The following MISP variants were observed in gnomAD, a reference collection of about 807,000 sequenced individuals.
MISP encodes the protein mitotic interactor and substrate of PLK1.
In MISP, 51 loss-of-function variants were observed where a neutral mutation model predicts 49.3. The ratio of observed to expected loss-of-function variants is 1.03; its 90% confidence interval spans 0.83 to 1.31. The LOEUF (loss-of-function observed/expected upper bound fraction) is 1.31, where lower values mean the gene tolerates loss of function less well. Ranked by LOEUF, MISP falls within the 50% of genes most tolerant of loss-of-function variation. The pLI is 0.00. For synonymous variants in MISP, 444 were observed against 392.6 expected (o/e 1.13, Z -1.55); for missense variants, 1,084 against 935.1 (o/e 1.16, Z -2.08).
intron 2 of MISP, 89 bp downstream of exon 2, chr19:758,815 C>T (rs2144963990): frequency 8.8e-6 from 10 of 1,134,530 alleles, no homozygotes; most frequent in East Asian, 2.5e-5. Flanking sequence ...TTGAGGCTGT[C>T]AAAGGGCTGG....
At chr19:750,783 CTG>C (rs1325173557), upstream of MISP, among the ~76,000 whole-genome samples, 3 of 152,294 alleles carry the variant, frequency 2.0e-5, no homozygotes, top group East Asian at 5.8e-4. Context: ...ACACAGGCCA[CTG>C]TGCACGCTGA....
At chr19:750,429 G>A (rs35837306), upstream of MISP, among the ~76,000 whole-genome samples, 51,015 of 151,662 alleles carry the variant, frequency 0.34, 9,133 homozygotes, top group Middle Eastern at 0.43. Flanking sequence ...CGAACTCCTG[G>A]CCTCAAGTGA....
At chr19:756,232 G>A (rs531358362) in intron 1 of MISP, among the ~76,000 whole-genome samples, 2 of 152,304 alleles carry the variant, frequency 1.3e-5, no homozygotes, top group South Asian at 2.1e-4. Flanking sequence ...AAGACCAGCG[G>A]GAAGAGGGTC....
rs1006673863 is a variant in MISP, at chr19:760,042, G to A, written c.1911+3G>A. 1.9e-6 allele frequency: 3 copies of A among 1,613,638 alleles called. No homozygotes were observed. The highest frequency in any genetic ancestry group is 1.7e-6 in the Non-Finnish European group (2 of 1,179,724). ...GGCAGAGAAAGAAGGAGCAATGGGT[G>A]AGTCTGGAACCCGTCTCTGCAGAGG... On this transcript the variant is annotated splice_donor_region_variant and intron_variant, in intron 3 of 4. Coordinates refer to ENST00000215582, the MANE Select transcript of MISP (RefSeq NM_173481.4).
Position 757,320 on chromosome 19 carries a change from G to A in MISP, c.374G>A (p.Arg125His), listed in dbSNP as rs151208927. The change falls in exon 2 of 5, where the codon CGC becomes CAC. Residue 125 changes from arginine to histidine, a missense_variant. Arg to His is a conservative substitution (Grantham distance 29). Transcript: ENST00000215582. ...GAGGACAAGGAGATGAAGACCTACC[G>A]CCTGGATGCTGGGGACGCTGACCCC... ...DGEDKEMKTY[R>H]LDAGDADPRR... 7.7e-4 allele frequency: 1,244 copies of A among 1,614,008 alleles called. 5 individuals carry two copies. In the African/African-American group the frequency reaches 9.4e-3, roughly 12 times the overall value.
At position 758,013 on chromosome 19, in the gene MISP, T is replaced by C. The variant is rs767450470; in HGVS notation, c.1067T>C (p.Val356Ala). 4 of 1,572,214 alleles carry C rather than the reference T, an allele frequency of 2.5e-6. No individual in the cohort carries two copies. Among genetic ancestry groups the C allele is most frequent in the Admixed American group, 3.5e-5 (2 of 56,912 alleles). The change falls in exon 2 of 5, where the codon GTA becomes GCA. Residue 356 changes from valine to alanine, a missense_variant. By Grantham distance (64) the Val-to-Ala change is moderately conservative (BLOSUM62 0). Transcript: ENST00000215582. Reference sequence around the variant, plus strand: ...TCCCTCTACGTGCAGCGGGACATAGTACAGGAGACACAGCGTGAGGAAGAC... The same window carrying C: ...TCCCTCTACGTGCAGCGGGACATAGCACAGGAGACACAGCGTGAGGAAGAC... Reference protein sequence around the residue: ...RPSLYVQRDIVQETQREEDHR... With the variant: ...RPSLYVQRDIAQETQREEDHR...
intron 1 of MISP, among the ~76,000 whole-genome samples, chr19:751,955 A>G (rs1431827614): frequency 6.6e-6 from 1 of 152,142 alleles, no homozygotes; most frequent in East Asian, 1.9e-4. Context: ...GAGGTGTGGC[A>G]CCAGGGTCCA....
Position 757,018 on chromosome 19 carries a change from T to C in MISP, c.72T>C (p.Asp24=). ...ACCGTGGCACCGGCCTGGTGCTGGA[T>C]GGAGACACCAGCTACACATACCATC... is the stretch of plus-strand genomic sequence containing the variant. ...QAHRGTGLVL[D]GDTSYTYHLV... Residue 24 remains aspartate, a synonymous_variant, in exon 2 of 5, where the codon GAT becomes GAC. Transcript: ENST00000215582. 6.2e-7 allele frequency: 1 copy of C among 1,605,618 alleles called. No homozygotes were observed. The highest frequency in any genetic ancestry group is 8.5e-7 in the Non-Finnish European group (1 of 1,176,050).
chr19:760,314 C>G, intron 3 of MISP: 1 of 315,840 alleles, frequency 3.2e-6, no homozygotes, highest in Non-Finnish European at 5.8e-6. Flanking sequence ...ACCAACTCTG[C>G]TTGGAGGAGG....
chr19:758,629 G>C lies in MISP; in HGVS notation c.1683G>C (p.Val561=), dbSNP rs756008075. 2 of 1,614,262 alleles carry C rather than the reference G, an allele frequency of 1.2e-6. No homozygotes were observed. Among genetic ancestry groups the C allele is most frequent in the South Asian group, 2.2e-5 (2 of 91,086 alleles). The change falls in exon 2 of 5, where the codon GTG becomes GTC. Residue 561 remains valine (V), a synonymous_variant. Coordinates refer to ENST00000215582, the MANE Select transcript of MISP (RefSeq NM_173481.4). ...RESVLRREQE[V]AEERRNALFP... ...GTGTCCTGCGCCGGGAGCAAGAGGT[G>C]GCAGAGGAGCGGAGAAATGCTCTCT...
intron 1 of MISP, among the ~76,000 whole-genome samples, chr19:755,435 A>T (rs773434224): frequency 1.7e-4 from 26 of 152,016 alleles, no homozygotes; most frequent in Non-Finnish European, 3.5e-4. Context: ...GAGAACCAGG[A>T]TGTGGGAGCC....
In MISP at chr19:763,549, C is replaced by G. The variant is rs556723978; in HGVS notation, c.1999C>G (p.Arg667Gly). The change falls in exon 5 of 5, where the codon CGC becomes GGC. Residue 667 changes from arginine (R) to glycine (G), a missense_variant. Arg to Gly is a moderately radical substitution (Grantham distance 125, BLOSUM62 -2). Transcript: ENST00000215582. ...CCGTCACAAGAACGCCATGGCAGAGCGCTGGGAATCCCGCATCTACGCCAG... is the reference window on the plus strand; with the variant it reads ...CCGTCACAAGAACGCCATGGCAGAGGGCTGGGAATCCCGCATCTACGCCAG... The part of the protein sequence containing the change: ...VTRHKNAMAE[R>G]WESRIYASEE... The G allele has an allele frequency of 6.2e-7, 1 of 1,613,926 alleles. No homozygotes were observed. Among genetic ancestry groups the G allele is most frequent in the African/African-American group, 1.3e-5 (1 of 74,908 alleles).
At chr19:761,772 G>T (rs1192569436) in intron 4 of MISP, 109 bp downstream of exon 4, 2 of 1,194,988 alleles carry the variant, frequency 1.7e-6, no homozygotes, top group African/African-American at 1.5e-5. Context: ...GATCGTATTG[G>T]GTGTCTTCTC....
At position 758,121 on chromosome 19, in the gene MISP, C is replaced by T. The variant is rs144396442; in HGVS notation, c.1175C>T (p.Ala392Val). Reference sequence around the variant, plus strand: ...GGTCCCCAGCCCGGACTCCGGAGAGCCCTCAGCTCAGATTCCATCCTCAGC... The same window carrying T: ...GGTCCCCAGCCCGGACTCCGGAGAGTCCTCAGCTCAGATTCCATCCTCAGC... ...SEGPQPGLRR[A>V]LSSDSILSPA... The change falls in exon 2 of 5, where the codon GCC becomes GTC. Residue 392 changes from alanine to valine, a missense_variant. By Grantham distance (64) the Ala-to-Val change is moderately conservative. Transcript: ENST00000215582. 5.7e-4 allele frequency: 923 copies of T among 1,606,854 alleles called. 8 individuals are homozygous for T. In the East Asian group the frequency reaches 0.018, roughly 31 times the overall value.
In MISP at chr19:763,653, T is replaced by TC; in HGVS notation, c.*64dup. 8.2e-7 allele frequency: 1 copy of TC among 1,221,540 alleles called. No individual in the cohort carries two copies. Among genetic ancestry groups the TC allele is most frequent in the Non-Finnish European group, 1.2e-6 (1 of 842,514 alleles). The allele number at this position is 1,221,540 out of a possible 1,614,324, so 75.7% of individuals were successfully genotyped here. ...ACCCTCGTGGGAACTGCCAAGACCA[T>TC]CGCCAAGCCCCCACCCTAGGAAATG... is the stretch of plus-strand genomic sequence containing the variant. On this transcript the variant is annotated 3_prime_UTR_variant, in exon 5 of 5. Transcript: ENST00000215582.
In MISP at chr19:757,102, C is replaced by A; in HGVS notation, c.156C>A (p.Pro52=). ...GWGQDEPQTW[P]TDHRAQQGVQ... ...GCCAGGATGAGCCGCAGACATGGCC[C>A]ACTGACCACAGGGCCCAGCAGGGCG... is the stretch of plus-strand genomic sequence containing the variant. Residue 52 remains proline, a synonymous_variant, in exon 2 of 5, where the codon CCC becomes CCA. Coordinates refer to ENST00000215582, the MANE Select transcript of MISP (RefSeq NM_173481.4). The A allele has an allele frequency of 6.2e-7, 1 of 1,613,122 alleles. No homozygotes were observed. Among genetic ancestry groups the A allele is most frequent in the Non-Finnish European group, 8.5e-7 (1 of 1,179,840 alleles).
intron 1 of MISP, among the ~76,000 whole-genome samples, chr19:755,919 C>G (rs1057153137): frequency 4.0e-5 from 6 of 149,694 alleles, no homozygotes; most frequent in African/African-American, 1.3e-4. Flanking sequence ...GGCAACAGAG[C>G]GAGACTCCAT....
upstream of MISP, among the ~76,000 whole-genome samples, chr19:750,159 C>A (rs2033437182): frequency 6.7e-6 from 1 of 150,138 alleles, no homozygotes; most frequent in Admixed American, 6.6e-5. Context: ...CTCGGGGTGG[C>A]CTGGGTCTTT....
In MISP at chr19:764,279, A is replaced by G. The variant is rs1599191169; in HGVS notation, c.*689A>G. On this transcript the variant is annotated 3_prime_UTR_variant, in exon 5 of 5. Coordinates refer to ENST00000215582, the MANE Select transcript of MISP (RefSeq NM_173481.4). ...AGCTGGAGGGGGGTCTTTGTCCCCC[A>G]CCCCCAAACTGCCCTGAAATAAACC... The G allele has an allele frequency of 6.6e-6, 1 of 152,102 alleles. No homozygotes were observed. The highest frequency in any genetic ancestry group is 2.1e-4 in the South Asian group (1 of 4,814). The allele number at this position is 152,102 out of a possible 1,614,324, so 9.4% of individuals were successfully genotyped here.
Sources: allele counts gnomAD v4.1 joint callset (sites outside exome capture counted in the v4.1 genomes callset), GRCh38; gene constraint gnomAD v4.1.1; transcripts MANE v1.5; gene names NCBI Gene and HGNC (gene_info 2026-07-23, HGNC 2026-07-21).